The following LYRM4 variants were observed in gnomAD, a reference collection of about 807,000 sequenced individuals.
LYRM4 encodes LYR motif containing 4, also known as LYR motif-containing protein 4.
A neutral mutation model predicts 11.7 loss-of-function variants in LYRM4; 9 were observed. The ratio of observed to expected loss-of-function variants is 0.77; its 90% confidence interval spans 0.46 to 1.34. LYRM4 has a LOEUF of 1.34. LYRM4 is among the 40% of genes most tolerant of loss of function. The probability of loss-of-function intolerance (pLI) is 0.00; values close to 1 mark genes in which losing one functional copy is unlikely to be tolerated. For synonymous variants in LYRM4, 42 were observed against 40.4 expected (o/e 1.04, Z -0.15); for missense variants, 133 against 112.5 (o/e 1.18, Z -0.82).
At chr6:5,061,684 A>C in the LYRM4 span, among the ~76,000 whole-genome samples, 1 of 152,192 alleles carries the variant, frequency 6.6e-6, no homozygotes. Context: ...GACCATTGAA[A>C]TCCCCAGAGA....
At chr6:5,051,903 A>C in the LYRM4 span, among the ~76,000 whole-genome samples, 1 of 152,300 alleles carries the variant, frequency 6.6e-6, no homozygotes, top group African/African-American at 2.4e-5. Context: ...GGGAGATACC[A>C]GGCTCTTTTT....
chr6:5,145,160 C>T (rs149859301), intron 2 of LYRM4, among the ~76,000 whole-genome samples: 118 of 152,324 alleles, frequency 7.7e-4, no homozygotes, highest in South Asian at 7.1e-3. Flanking sequence ...GTTGGCATTC[C>T]GTCTTTAGTC....
intron 2 of LYRM4, among the ~76,000 whole-genome samples, chr6:5,160,192 A>G (rs1758667952): frequency 6.6e-6 from 1 of 152,132 alleles, no homozygotes; most frequent in South Asian, 2.1e-4. Flanking sequence ...GTGGATGCTA[A>G]GCTCCTGGAG....
chr6:5,144,076 A>C, intron 2 of LYRM4: 2 of 1,478,644 alleles, frequency 1.4e-6, no homozygotes, highest in South Asian at 1.3e-5. Context: ...CTCCAGAAAA[A>C]GAAATGCTTA....
intron 2 of LYRM4, among the ~76,000 whole-genome samples, chr6:5,150,709 C>T (rs940768369): frequency 6.6e-6 from 1 of 152,216 alleles, no homozygotes; most frequent in Non-Finnish European, 1.5e-5. Flanking sequence ...CTCCAGCTCT[C>T]CCCTGCAAGC....
chr6:5,083,107 T>C, the LYRM4 span, among the ~76,000 whole-genome samples: 3 of 152,188 alleles, frequency 2.0e-5, no homozygotes, highest in Non-Finnish European at 4.4e-5. Context: ...CCAGTGCACC[T>C]GCATGACCCT....
At chr6:5,132,036 A>G (rs1299908395) in intron 2 of LYRM4, among the ~76,000 whole-genome samples, 1 of 152,156 alleles carries the variant, frequency 6.6e-6, no homozygotes, top group Non-Finnish European at 1.5e-5. Flanking sequence ...ACCCGAAGCA[A>G]GTTTTCATGA....
At chr6:5,239,865 C>T (rs779584804) in intron 1 of LYRM4, among the ~76,000 whole-genome samples, 17 of 152,168 alleles carry the variant, frequency 1.1e-4, no homozygotes, top group Non-Finnish European at 2.1e-4. Flanking sequence ...GAGCATAGGC[C>T]CTTAAAAACA....
intron 2 of LYRM4, among the ~76,000 whole-genome samples, chr6:5,146,036 T>C (rs1757702872): frequency 2.6e-5 from 4 of 152,192 alleles, no homozygotes; most frequent in Admixed American, 2.6e-4. Context: ...AGCATATATA[T>C]ACATTCAATG....
chr6:5,110,881 T>A (rs1416232522), intron 2 of LYRM4, among the ~76,000 whole-genome samples: 3 of 152,156 alleles, frequency 2.0e-5, no homozygotes, highest in African/African-American at 7.2e-5. Context: ...CTGCAGGTAA[T>A]GCTGATGCTG....
chr6:5,091,084 G>A, the LYRM4 span, among the ~76,000 whole-genome samples: 1 of 152,200 alleles, frequency 6.6e-6, no homozygotes, highest in Admixed American at 6.5e-5. Context: ...AATATGCTGT[G>A]ACTTGTGGAA....
chr6:5,219,894 G>A (rs749278650), intron 1 of LYRM4, among the ~76,000 whole-genome samples: 22 of 152,202 alleles, frequency 1.4e-4, no homozygotes, highest in African/African-American at 4.6e-4. Context: ...CTGAAATACG[G>A]CATGAAAAAC....
At chr6:5,034,753 C>CTTGTTTTTTTTTTTTTTTTTT in the LYRM4 span, 1 of 93,852 alleles carries the variant, frequency 1.1e-5, no homozygotes, top group African/African-American at 5.0e-5. Context: ...TACAGCAATG[C>CTTGTTTTTTTTTTTTTTTTTT]TTTTTTTTTT....
intron 2 of LYRM4, chr6:5,144,203 C>T (rs1377750728): frequency 6.5e-7 from 1 of 1,536,876 alleles, no homozygotes; most frequent in Non-Finnish European, 8.7e-7. Context: ...TGCAGGGCTT[C>T]CCCAGGCTCC....
chr6:5,045,843 C>T, the LYRM4 span, among the ~76,000 whole-genome samples: 2 of 152,208 alleles, frequency 1.3e-5, no homozygotes, highest in African/African-American at 2.4e-5. Context: ...TCCTCCAAAG[C>T]GAGCTTTATG....
In LYRM4 at chr6:5,260,905, C is replaced by T; in HGVS notation, c.-172G>A. 3 of 1,379,330 alleles carry T rather than the reference C, an allele frequency of 2.2e-6. No individual in the cohort carries two copies. The highest frequency in any genetic ancestry group is 3.2e-5 in the South Asian group (2 of 61,960). The allele number at this position is 1,379,330 out of a possible 1,614,324, so 85.4% of individuals were successfully genotyped here. On this transcript the variant is annotated 5_prime_UTR_variant, in exon 1 of 3. Coordinates refer to ENST00000330636, the MANE Select transcript of LYRM4 (RefSeq NM_020408.6). ...GGGCAGCCCTGCGGATCGCGGACGGCGCCAGGCGTCCCGCGCCGCTTCGGG... is the reference window on the plus strand; with the variant it reads ...GGGCAGCCCTGCGGATCGCGGACGGTGCCAGGCGTCCCGCGCCGCTTCGGG...
At chr6:5,088,602 A>C in the LYRM4 span, 1 of 152,188 alleles carries the variant, frequency 6.6e-6, no homozygotes, top group African/African-American at 2.4e-5. Flanking sequence ...CAAAGTGTAA[A>C]ATATTTACTA....
At chr6:5,124,339 C>T (rs1209942722) in intron 2 of LYRM4, among the ~76,000 whole-genome samples, 2 of 152,208 alleles carry the variant, frequency 1.3e-5, no homozygotes, top group African/African-American at 4.8e-5. Context: ...ACCTCAGCCT[C>T]CCAAAGTGCT....
At chr6:5,050,013 C>G in the LYRM4 span, among the ~76,000 whole-genome samples, 1 of 152,234 alleles carries the variant, frequency 6.6e-6, no homozygotes, top group Non-Finnish European at 1.5e-5. Flanking sequence ...GGCTTTTCAG[C>G]CATAGACATC....
Sources: gnomAD v4.1 joint callset for allele counts (sites outside exome capture counted in the v4.1 genomes callset) on GRCh38, gnomAD v4.1.1 for gene constraint, MANE v1.5 for transcripts, NCBI Gene and HGNC (gene_info 2026-07-23, HGNC 2026-07-21) for gene names.